ARFGEF3: variants seen among roughly 807,000 people sequenced by gnomAD.
The protein encoded by ARFGEF3 is brefeldin A-inhibited guanine nucleotide-exchange protein 3.
In ARFGEF3, 96 loss-of-function variants were observed where a neutral mutation model predicts 221.7. The observed-to-expected ratio is 0.43, with a 90% CI of 0.37 to 0.51. The LOEUF (loss-of-function observed/expected upper bound fraction) is 0.51, where lower values mean the gene tolerates loss of function less well. Among genes scored for constraint, ARFGEF3 ranks in the 20% least tolerant of loss-of-function variants. ARFGEF3 has a pLI of 0.00. For missense variants in ARFGEF3, 2,410 were observed against 2,789.9 expected (o/e 0.86, Z 3.07); for synonymous variants, 1,145 against 1,126.8 (o/e 1.02, Z -0.32).
At chr6:138,170,483 TG>T (rs1236117372) in intron 1 of ARFGEF3, among the ~76,000 whole-genome samples, 178 bp from the exon 2 acceptor site, 1 of 152,186 alleles carries the variant, frequency 6.6e-6, no homozygotes. Context: ...GGGAAATCTC[TG>T]GGGCTCTCAA....
intron 32 of ARFGEF3, among the ~76,000 whole-genome samples, chr6:138,332,963 A>G (rs1197683230): frequency 6.6e-6 from 1 of 152,214 alleles, no homozygotes; most frequent in Non-Finnish European, 1.5e-5. Context: ...TCCTACTTAC[A>G]CAAATTTTTA....
chr6:138,324,782 A>G (rs1044637630), intron 31 of ARFGEF3, among the ~76,000 whole-genome samples: 1 of 152,218 alleles, frequency 6.6e-6, no homozygotes, highest in Non-Finnish European at 1.5e-5. Context: ...GTCTTTGTTG[A>G]ATCAATAGGT....
At chr6:138,278,891 A>C (rs1305769220) in intron 13 of ARFGEF3, among the ~76,000 whole-genome samples, 1 of 152,220 alleles carries the variant, frequency 6.6e-6, no homozygotes, top group Admixed American at 6.5e-5. Flanking sequence ...CTGCCCAGGG[A>C]TAACCCAGTA....
intron 31 of ARFGEF3, among the ~76,000 whole-genome samples, chr6:138,326,904 C>T (rs187601042): frequency 1.1e-4 from 17 of 152,190 alleles, no homozygotes; most frequent in Admixed American, 6.5e-4. Context: ...ATGTGGTGCA[C>T]GGAATACTAT....
rs754714071 is a variant in ARFGEF3 at position 138,263,364 on chromosome 6, G to T, written c.1881G>T (p.Val627=). Residue 627 remains valine (V), a synonymous_variant, in exon 12 of 34, where the codon GTG becomes GTT. Transcript: ENST00000251691. ...AAEKDSGRSD[V]SDIGSDNCSL... is the part of the protein sequence containing the mutation. ...AAAAGGACTCGGGCAGGTCCGACGT[G>T]TCAGACATTGGGTCGGACAACTGTT... 3 of 1,613,904 alleles carry T rather than the reference G, an allele frequency of 1.9e-6. No homozygotes were observed. In the African/African-American group the frequency reaches 4.0e-5, roughly 22 times the overall value.
rs755066453 is a variant in ARFGEF3 at position 138,263,500 on chromosome 6, G to A, written c.2017G>A (p.Ala673Thr). 45 of 1,613,608 alleles carry A rather than the reference G, an allele frequency of 2.8e-5. No homozygotes were observed. The highest frequency in any genetic ancestry group is 2.1e-4 in the African/African-American group (16 of 74,922). ...GAACCAGGAGGCGGATCAGCACAGCGCCAGGCTGTTCATACAGTCCCTGGA... is the reference window on the plus strand; with the variant it reads ...GAACCAGGAGGCGGATCAGCACAGCACCAGGCTGTTCATACAGTCCCTGGA... Reference protein sequence around the residue: ...LKNQEADQHSARLFIQSLEGL... With the variant: ...LKNQEADQHSTRLFIQSLEGL... The change falls in exon 12 of 34, where the codon GCC (alanine) becomes ACC (threonine). Residue 673 changes from alanine to threonine, a missense_variant. By Grantham distance (58) the Ala-to-Thr change is moderately conservative (BLOSUM62 0). Coordinates refer to ENST00000251691, the MANE Select transcript of ARFGEF3 (RefSeq NM_020340.5).
intron 20 of ARFGEF3, 52 bp from the exon 21 acceptor site, chr6:138,296,758 G>A (rs1020339972): frequency 6.3e-7 from 1 of 1,596,278 alleles, no homozygotes; most frequent in Non-Finnish European, 8.5e-7. Flanking sequence ...GAATAGGTCA[G>A]ACTATGTCTG....
intron 12 of ARFGEF3, among the ~76,000 whole-genome samples, chr6:138,272,952 A>G (rs1779031380): frequency 6.6e-6 from 1 of 152,258 alleles, no homozygotes; most frequent in Admixed American, 6.5e-5. Context: ...TTGAAACAAC[A>G]TAAATGTCCA....
chr6:138,174,837 T>C (rs964633548), intron 2 of ARFGEF3, among the ~76,000 whole-genome samples: 1 of 152,206 alleles, frequency 6.6e-6, no homozygotes, highest in African/African-American at 2.4e-5. Context: ...TTCTCATAAT[T>C]ACTAATATTG....
chr6:138,302,360 G>A (rs1382625044), intron 22 of ARFGEF3, among the ~76,000 whole-genome samples: 33 of 152,126 alleles, frequency 2.2e-4, no homozygotes. Context: ...AAAGATCAGT[G>A]AACATGGAAA....
intron 32 of ARFGEF3, among the ~76,000 whole-genome samples, chr6:138,329,084 T>C (rs181258838): frequency 2.0e-5 from 3 of 152,326 alleles, no homozygotes; most frequent in Admixed American, 2.0e-4. Context: ...ATGATGGCTA[T>C]TGGGAGACAA....
At position 138,263,008 on chromosome 6, in the gene ARFGEF3, A is replaced by G; in HGVS notation, c.1525A>G (p.Thr509Ala). 2 of 1,602,972 alleles carry G rather than the reference A, an allele frequency of 1.2e-6. No individual in the cohort carries two copies. The highest frequency in any genetic ancestry group is 2.2e-5 in the South Asian group (2 of 89,522). Reference protein sequence around the residue: ...RSLDISISVTTDTGQTTLEGE... With the variant: ...RSLDISISVTADTGQTTLEGE... ...CCTTGACATCAGCATCAGTGTCACC[A>G]CAGACACAGGCCAGACCACTCTCGA... Residue 509 changes from threonine to alanine, a missense_variant, in exon 12 of 34, where the codon ACA (threonine) becomes GCA (alanine). Thr to Ala is a moderately conservative substitution (Grantham distance 58). Coordinates refer to ENST00000251691, the MANE Select transcript of ARFGEF3 (RefSeq NM_020340.5).
chr6:138,228,469 G>C (rs1778132628), intron 4 of ARFGEF3, among the ~76,000 whole-genome samples: 1 of 151,796 alleles, frequency 6.6e-6, no homozygotes, highest in Non-Finnish European at 1.5e-5. Context: ...TTACAGGTGT[G>C]AGCCACTGTG....
chr6:138,244,968 T>C (rs912628446), intron 7 of ARFGEF3, among the ~76,000 whole-genome samples: 1 of 152,222 alleles, frequency 6.6e-6, no homozygotes, highest in Non-Finnish European at 1.5e-5. Flanking sequence ...AAACAATCTA[T>C]TTTCTTTCTG....
chr6:138,193,077 C>A (rs892389454), intron 2 of ARFGEF3, among the ~76,000 whole-genome samples: 4 of 152,170 alleles, frequency 2.6e-5, no homozygotes, highest in African/African-American at 9.7e-5. Flanking sequence ...GTATGCAAGA[C>A]CCTTCAAAAG....
chr6:138,327,945 G>C, intron 31 of ARFGEF3, 76 bp from the exon 32 acceptor site: 1 of 1,262,552 alleles, frequency 7.9e-7, no homozygotes, highest in Non-Finnish European at 1.1e-6. Flanking sequence ...ACTTGCCCAG[G>C]GTCATCCAGC....
At position 138,289,977 on chromosome 6, in the gene ARFGEF3, C is replaced by G; in HGVS notation, c.3047+9C>G. ...TGGCCACACGTGTTCAGGTGCATGA[C>G]GGGCTCCCACCCCCAGATGGCACTA... On this transcript the variant is annotated intron_variant, in intron 18 of 33. Transcript: ENST00000251691. 1 of 1,602,550 alleles carries G rather than the reference C, an allele frequency of 6.2e-7. No individual in the cohort carries two copies. Among genetic ancestry groups the G allele is most frequent in the East Asian group, 2.2e-5 (1 of 44,482 alleles).
intron 14 of ARFGEF3, among the ~76,000 whole-genome samples, chr6:138,281,905 A>G (rs752905825): frequency 6.6e-6 from 1 of 152,014 alleles, no homozygotes; most frequent in Non-Finnish European, 1.5e-5. Flanking sequence ...CTTGCCCTGG[A>G]TTGGCTCTGA....
intron 10 of ARFGEF3, among the ~76,000 whole-genome samples, chr6:138,261,061 C>A (rs1778781409): frequency 6.6e-6 from 1 of 152,116 alleles, no homozygotes; most frequent in African/African-American, 2.4e-5. Context: ...TAGAAACAAG[C>A]TATACAAGCA....
Sources: allele counts gnomAD v4.1 joint callset (sites outside exome capture counted in the v4.1 genomes callset), GRCh38; gene constraint gnomAD v4.1.1; transcripts MANE v1.5; gene names NCBI Gene and HGNC (gene_info 2026-07-23, HGNC 2026-07-21).